GPC5: variants seen among roughly 807,000 people sequenced by gnomAD.
The protein encoded by GPC5 is glypican 5.
Under a neutral mutation model 53.9 loss-of-function variants are expected in GPC5, and 47 were observed. The observed-to-expected ratio is 0.87, with a 90% CI of 0.69 to 1.11. The LOEUF (loss-of-function observed/expected upper bound fraction) is 1.11. Among genes scored for constraint, GPC5 ranks in the 50% most tolerant of loss-of-function variants. The probability of loss-of-function intolerance (pLI) is 0.00; values close to 1 mark genes in which losing one functional copy is unlikely to be tolerated. For synonymous variants in GPC5, 286 were observed against 263.3 expected (o/e 1.09, Z -0.84); for missense variants, 748 against 713.1 (o/e 1.05, Z -0.56).
chr13:91,413,110 A>G (rs1877929333), intron 1 of GPC5, among the ~76,000 whole-genome samples: 1 of 152,134 alleles, frequency 6.6e-6, no homozygotes, highest in South Asian at 2.1e-4. Context: ...GGGAGACTCC[A>G]TCTCTACAAA....
At chr13:91,920,352 C>A (rs772268303) in intron 6 of GPC5, among the ~76,000 whole-genome samples, 2 of 151,814 alleles carry the variant, frequency 1.3e-5, no homozygotes, top group Non-Finnish European at 2.9e-5. Flanking sequence ...ATTAAACAAT[C>A]GCAACACACA....
At chr13:92,410,837 C>T (rs1426768602) in intron 7 of GPC5, among the ~76,000 whole-genome samples, 1 of 152,158 alleles carries the variant, frequency 6.6e-6, no homozygotes, top group Admixed American at 6.5e-5. Context: ...GCAGTGACTC[C>T]ATTGTATAAT....
At chr13:92,076,821 A>T (rs1385172189) in intron 6 of GPC5, among the ~76,000 whole-genome samples, 1 of 152,186 alleles carries the variant, frequency 6.6e-6, no homozygotes, top group Non-Finnish European at 1.5e-5. Flanking sequence ...AATCTCTATT[A>T]ACATAGCTAG....
At chr13:92,392,487 G>A (rs898697462) in intron 7 of GPC5, among the ~76,000 whole-genome samples, 1 of 152,102 alleles carries the variant, frequency 6.6e-6, no homozygotes, top group Non-Finnish European at 1.5e-5. Context: ...CTGGACATAG[G>A]AATGGGTGAA....
Position 91,693,206 on chromosome 13 carries a change from C to A in GPC5, c.345C>A (p.Ile115=), listed in dbSNP as rs2035794344. 1 of 1,613,074 alleles carries A rather than the reference C, an allele frequency of 6.2e-7. No individual in the cohort carries two copies. The highest frequency in any genetic ancestry group is 1.3e-5 in the African/African-American group (1 of 74,948). The stretch of plus-strand genomic sequence containing the variant: ...TTACAGAAACCCTTGAAACTCTCAT[C>A]AAACAAGCAGAAAATTACACCAGTA... ...AAFQETLETL[I]KQAENYTSIL... The change falls in exon 3 of 8, where the codon ATC becomes ATA. Residue 115 remains isoleucine (I), a synonymous_variant. Coordinates refer to ENST00000377067, the MANE Select transcript of GPC5 (RefSeq NM_004466.6).
intron 7 of GPC5, among the ~76,000 whole-genome samples, chr13:92,850,652 G>A (rs1835104301): frequency 2.0e-5 from 3 of 152,106 alleles, no homozygotes; most frequent in Non-Finnish European, 4.4e-5. Flanking sequence ...ATCCTTGGTA[G>A]AGAGGTTAAA....
At chr13:92,237,492 A>G (rs1594025051) in intron 7 of GPC5, among the ~76,000 whole-genome samples, 1 of 152,160 alleles carries the variant, frequency 6.6e-6, no homozygotes, top group Non-Finnish European at 1.5e-5. Flanking sequence ...TGCTGGGATT[A>G]CAGGTGTGAG....
At chr13:92,839,877 T>C (rs1359222825) in intron 7 of GPC5, among the ~76,000 whole-genome samples, 1 of 151,830 alleles carries the variant, frequency 6.6e-6, no homozygotes, top group Non-Finnish European at 1.5e-5. Flanking sequence ...CCTCTACATA[T>C]TTATTTCCTC....
At position 92,125,923 on chromosome 13, in the gene GPC5, G is replaced by GTTTTTTTTTTTTTTTTTTTT. The variant is rs1566446337; in HGVS notation, c.1402-18907_1402-18906insTTTTTTTTTTTTTTTTTTTT. On this transcript the variant is annotated intron_variant, in intron 6 of 7. Transcript: ENST00000377067. ...ATTAGAAAGGAAACATTTGTTTTTTGGTTTTTTTTTTTTTTTTTTTTTTTT... is the reference window on the plus strand; with the variant it reads ...ATTAGAAAGGAAACATTTGTTTTTTGTTTTTTTTTTTTTTTTTTTTGTTTTTTTTTTTTTTTTTTTTTTTT... Among the ~76,000 whole-genome samples, 9 of 41,536 alleles carry GTTTTTTTTTTTTTTTTTTTT rather than the reference G, an allele frequency of 2.2e-4. 4 individuals carry two copies. The highest frequency in any genetic ancestry group is 1.5e-3 in the South Asian group (1 of 684). 27.2% of individuals were successfully genotyped at this position (41,536 alleles called of 152,430 possible).
chr13:91,946,548 T>C (rs2039976073), intron 6 of GPC5, among the ~76,000 whole-genome samples: 1 of 152,274 alleles, frequency 6.6e-6, no homozygotes, highest in Admixed American at 6.5e-5. Flanking sequence ...GAAGCTTTCT[T>C]TTTTGGTAAT....
intron 6 of GPC5, among the ~76,000 whole-genome samples, chr13:91,965,247 C>A (rs2040170083): frequency 6.6e-6 from 1 of 151,972 alleles, no homozygotes; most frequent in Admixed American, 6.6e-5. Context: ...AAAAAAGCAC[C>A]TAGAATATTA....
At chr13:92,328,099 A>G (rs1323137583) in intron 7 of GPC5, among the ~76,000 whole-genome samples, 1 of 152,180 alleles carries the variant, frequency 6.6e-6, no homozygotes, top group Non-Finnish European at 1.5e-5. Flanking sequence ...AGTTGTTAAC[A>G]AGTGATTCTT....
chr13:91,535,149 C>T (rs1886531043), intron 2 of GPC5, among the ~76,000 whole-genome samples: 1 of 152,158 alleles, frequency 6.6e-6, no homozygotes, highest in South Asian at 2.1e-4. Flanking sequence ...ATTACATGTG[C>T]TATTTTCTCA....
intron 7 of GPC5, among the ~76,000 whole-genome samples, chr13:92,555,837 C>G (rs371469178): frequency 6.6e-6 from 1 of 150,666 alleles, no homozygotes; most frequent in African/African-American, 2.4e-5. Flanking sequence ...ACAGGGGTTG[C>G]ATTCTTGATT....
intron 7 of GPC5, among the ~76,000 whole-genome samples, chr13:92,423,051 T>A (rs189556860): frequency 6.6e-6 from 1 of 152,154 alleles, no homozygotes; most frequent in African/African-American, 2.4e-5. Context: ...GTACATTGAG[T>A]GTAGAGTGAG....
chr13:92,547,819 CTTT>C (rs567478017), intron 7 of GPC5, among the ~76,000 whole-genome samples: 5 of 100,438 alleles, frequency 5.0e-5, no homozygotes, highest in African/African-American at 1.6e-4. Context: ...GCCTATTATT[CTTT>C]TTTTTTTTTT....
At chr13:92,673,546 A>C (rs886643492) in intron 7 of GPC5, among the ~76,000 whole-genome samples, 4 of 152,136 alleles carry the variant, frequency 2.6e-5, no homozygotes, top group African/African-American at 9.7e-5. Context: ...TACAGGCATG[A>C]GCCACCACAC....
chr13:91,891,191 G>C (rs1264926575), intron 5 of GPC5, among the ~76,000 whole-genome samples: 2 of 152,018 alleles, frequency 1.3e-5, no homozygotes, highest in Non-Finnish European at 2.9e-5. Flanking sequence ...TCTAATAACA[G>C]ATGTATTAAA....
chr13:92,337,397 A>G (rs9584021), intron 7 of GPC5, among the ~76,000 whole-genome samples: 38,561 of 151,976 alleles, frequency 0.25, 5,074 homozygotes, highest in South Asian at 0.38. Flanking sequence ...TGCAATCCCA[A>G]TGAAAATCAC....
Sources: allele counts gnomAD v4.1 joint callset (sites outside exome capture counted in the v4.1 genomes callset), GRCh38; gene constraint gnomAD v4.1.1; transcripts MANE v1.5; gene names NCBI Gene and HGNC (gene_info 2026-07-23, HGNC 2026-07-21).